Variants in GRAMD2A observed in about 807,000 individuals in gnomAD.
The protein encoded by GRAMD2A is GRAM domain containing 2A, also known as GRAM domain-containing protein 2A.
A neutral mutation model predicts 51.1 loss-of-function variants in GRAMD2A; 37 were observed. The observed-to-expected ratio is 0.72, with a 90% CI of 0.56 to 0.95. The LOEUF (loss-of-function observed/expected upper bound fraction) is 0.95, where lower values mean the gene tolerates loss of function less well. Ranked by LOEUF, GRAMD2A falls within the 40% of genes least tolerant of loss-of-function variation. The pLI is 0.00. For missense variants in GRAMD2A, 414 were observed against 426.9 expected (o/e 0.97, Z 0.27); for synonymous variants, 136 against 157.1 (o/e 0.87, Z 1.01).
intron 1 of GRAMD2A, among the ~76,000 whole-genome samples, chr15:72,175,280 AACTGCCTCCGGCTGTGCGGGTACAC>A (rs1459075927): frequency 1.3e-5 from 2 of 152,006 alleles, no homozygotes; most frequent in Admixed American, 1.3e-4. Flanking sequence ...CCCTGACCAA[AACTGCCTCCGGCTGTGCGGGTACAC>A]ACTGCCTCTC....
chr15:72,186,228 T>A (rs2081733143), intron 1 of GRAMD2A, among the ~76,000 whole-genome samples: 2 of 152,272 alleles, frequency 1.3e-5, no homozygotes, highest in African/African-American at 4.8e-5. Flanking sequence ...TCATTCATTA[T>A]TCCCCATTAT....
In GRAMD2A at chr15:72,162,264, A is replaced by C; in HGVS notation, c.1061+9T>G. The C allele has an allele frequency of 6.3e-7, 1 of 1,591,022 alleles. No homozygotes were observed. The highest frequency in any genetic ancestry group is 8.6e-7 in the Non-Finnish European group (1 of 1,160,698). On this transcript the variant is annotated intron_variant, in intron 11 of 11. Coordinates refer to ENST00000309731, the MANE Select transcript of GRAMD2A (RefSeq NM_001012642.3). ...ATATCAAAGGCATTAGAAAGAGAAA[A>C]GGCCTCACCTGTGCCCAGGGACTGG...
At chr15:72,181,080 G>A (rs992963493) in intron 1 of GRAMD2A, among the ~76,000 whole-genome samples, 2 of 152,234 alleles carry the variant, frequency 1.3e-5, no homozygotes, top group African/African-American at 2.4e-5. Flanking sequence ...CTGTAGAGGG[G>A]TTGCCATATA....
chr15:72,176,114 G>C (rs1282962755), intron 1 of GRAMD2A: 1 of 152,604 alleles, frequency 6.6e-6, no homozygotes, highest in East Asian at 1.9e-4. Flanking sequence ...GTCTGGGCAG[G>C]ATGGGGTATT....
chr15:72,193,203 C>T (rs1334371956), intron 1 of GRAMD2A, among the ~76,000 whole-genome samples: 1 of 151,744 alleles, frequency 6.6e-6, no homozygotes, highest in Non-Finnish European at 1.5e-5. Flanking sequence ...TAAAACACGC[C>T]TCCAGTCCTA....
At position 72,165,307 on chromosome 15, in the gene GRAMD2A, C is replaced by T. The variant is rs779508513; in HGVS notation, c.600+47G>A. 9 of 1,579,306 alleles carry T rather than the reference C, an allele frequency of 5.7e-6. No homozygotes were observed. The South Asian group carries it at 8.9e-5, about 16-fold the overall frequency. On this transcript the variant is annotated intron_variant, in intron 8 of 11. Coordinates refer to ENST00000309731, the MANE Select transcript of GRAMD2A (RefSeq NM_001012642.3). ...AGGAGGCCCAGAAGCCTCAGAGCTC[C>T]AGGCACTGTCAGTCCAGCAGTCTTT...
chr15:72,168,658 C>CG, intron 3 of GRAMD2A, 92 bp from the exon 4 acceptor site: 1 of 1,093,098 alleles, frequency 9.1e-7, no homozygotes, highest in Non-Finnish European at 1.4e-6. Context: ...CACAGCCCCC[C>CG]GGCCCATGCT....
chr15:72,165,236 C>T, intron 8 of GRAMD2A, 118 bp downstream of exon 8: 1 of 879,202 alleles, frequency 1.1e-6, no homozygotes, highest in South Asian at 1.5e-5. Context: ...AGCATGGCCA[C>T]TGACTCTTGA....
intron 1 of GRAMD2A, among the ~76,000 whole-genome samples, chr15:72,178,679 G>A (rs144688655): frequency 3.1e-4 from 45 of 146,594 alleles, no homozygotes; most frequent in African/African-American, 9.4e-4. Context: ...GGTTCGTGCC[G>A]TTCTCCTGCC....
At chr15:72,174,127 C>T (rs1035680171) in intron 1 of GRAMD2A, among the ~76,000 whole-genome samples, 1 of 152,120 alleles carries the variant, frequency 6.6e-6, no homozygotes, top group Non-Finnish European at 1.5e-5. Flanking sequence ...CTTCAGTTCA[C>T]TTTCCACTCA....
chr15:72,194,749 G>A (rs1201290746), intron 1 of GRAMD2A, among the ~76,000 whole-genome samples: 2 of 151,880 alleles, frequency 1.3e-5, no homozygotes, highest in African/African-American at 2.4e-5. Flanking sequence ...ATGCAGTTGC[G>A]TGATCTCAGC....
Position 72,162,854 on chromosome 15 carries a change from C to T in GRAMD2A, c.956+412G>A, listed in dbSNP as rs756305255. Reference sequence around the variant, plus strand: ...GGCTGGCTGTTCATGTCACTTCCCACGATGCTCCCTGCTCTACTGGTCCTT... The same window carrying T: ...GGCTGGCTGTTCATGTCACTTCCCATGATGCTCCCTGCTCTACTGGTCCTT... On this transcript the variant is annotated intron_variant, in intron 10 of 11. Coordinates refer to ENST00000309731, the MANE Select transcript of GRAMD2A (RefSeq NM_001012642.3). 9 of 210,584 alleles carry T rather than the reference C, an allele frequency of 4.3e-5. No homozygotes were observed. In the East Asian group the frequency reaches 5.6e-4, roughly 13 times the overall value. 13.0% of individuals were successfully genotyped at this position (210,584 alleles called of 1,614,324 possible). A position where few individuals can be genotyped will look rare whatever the true frequency, so the allele number is the denominator to read the frequency against.
intron 8 of GRAMD2A, 37 bp downstream of exon 8, chr15:72,165,317 C>T: frequency 1.9e-6 from 3 of 1,601,392 alleles, no homozygotes; most frequent in Non-Finnish European, 2.6e-6. Context: ...CAGGCACTGT[C>T]AGTCCAGCAG....
chr15:72,161,871 G>A lies in GRAMD2A; in HGVS notation c.*138C>T. The A allele has an allele frequency of 2.4e-6, 2 of 836,580 alleles. No individual in the cohort carries two copies. The highest frequency in any genetic ancestry group is 2.1e-6 in the Non-Finnish European group (1 of 483,358). The allele number at this position is 836,580 out of a possible 1,614,324, so 51.8% of individuals were successfully genotyped here. On this transcript the variant is annotated 3_prime_UTR_variant, in exon 12 of 12. Transcript: ENST00000309731. ...AGAGGGAAGAGAAGAGCTGCGGGGA[G>A]GAGGAGGGATCTGGAATATTTTCCT...
chr15:72,184,360 C>T (rs2081719989), intron 1 of GRAMD2A, among the ~76,000 whole-genome samples: 1 of 152,282 alleles, frequency 6.6e-6, no homozygotes, highest in African/African-American at 2.4e-5. Flanking sequence ...GCACTGATCC[C>T]GCCCGGCTGG....
chr15:72,166,858 G>A lies in GRAMD2A; in HGVS notation c.471+136C>T, dbSNP rs2081551243. The A allele has an allele frequency of 1.1e-6, 1 of 928,044 alleles. No homozygotes were observed. Among genetic ancestry groups the A allele is most frequent in the Non-Finnish European group, 1.7e-6 (1 of 576,702 alleles). 57.5% of individuals were successfully genotyped at this position (928,044 alleles called of 1,614,324 possible). On this transcript the variant is annotated intron_variant, in intron 6 of 11. Transcript: ENST00000309731. The surrounding 1 kb of genome is among the most constrained non-coding windows in gnomAD (Gnocchi z 4.1). ...CTAGGAACTTCTCTTCCAGCTTGTT[G>A]TACGGCCTGAAATACCTACTGGAGA...
At chr15:72,193,662 A>AC (rs979042314) in intron 1 of GRAMD2A, among the ~76,000 whole-genome samples, 12 of 152,050 alleles carry the variant, frequency 7.9e-5, no homozygotes, top group Non-Finnish European at 1.3e-4. Context: ...AGCTGGGACT[A>AC]CAGGCGCCCA....
intron 10 of GRAMD2A, chr15:72,163,025 C>A: frequency 2.1e-6 from 1 of 484,950 alleles, no homozygotes; most frequent in South Asian, 3.9e-5. Context: ...CCATATCCTG[C>A]CCCTCTCCAC....
intron 1 of GRAMD2A, among the ~76,000 whole-genome samples, chr15:72,178,627 G>C (rs542230330): frequency 1.4e-5 from 2 of 138,716 alleles, no homozygotes; most frequent in African/African-American, 2.7e-5. Context: ...CCAGGCTGGA[G>C]TGCAGTGGCG....
Sources: gnomAD v4.1 joint callset for allele counts (sites outside exome capture counted in the v4.1 genomes callset) on GRCh38, gnomAD v4.1.1 for gene constraint, Gnocchi (gnomAD v3.1) non-coding constraint, MANE v1.5 for transcripts, NCBI Gene and HGNC (gene_info 2026-07-23, HGNC 2026-07-21) for gene names.